FBXO10: variants seen among roughly 807,000 people sequenced by gnomAD.
FBXO10 encodes F-box only protein 10.
In FBXO10, 39 loss-of-function variants were observed where a neutral mutation model predicts 80.7. That is an observed-to-expected ratio of 0.48 (90% CI 0.37 to 0.63). The LOEUF is 0.63. Among genes scored for constraint, FBXO10 ranks in the 30% least tolerant of loss-of-function variants. FBXO10 has a pLI of 0.00. For synonymous variants in FBXO10, 449 were observed against 489.6 expected, an observed-to-expected ratio of 0.92 and a Z score of 1.09; for missense variants, 1,025 against 1,269.0, an observed-to-expected ratio of 0.81 and a Z score of 2.92.
intron 1 of FBXO10, among the ~76,000 whole-genome samples, chr9:37,563,692 G>A (rs1367076352): frequency 6.6e-6 from 1 of 152,126 alleles, no homozygotes; most frequent in Non-Finnish European, 1.5e-5. Flanking sequence ...GAGATCTGTG[G>A]AACTTTGAAC....
chr9:37,557,587 T>C (rs1322943309), intron 1 of FBXO10, among the ~76,000 whole-genome samples: 2 of 152,218 alleles, frequency 1.3e-5, no homozygotes, highest in African/African-American at 4.8e-5. Context: ...TTTGGTGACC[T>C]ATACGTGGTA....
At chr9:37,528,007 G>A (rs531291330) in intron 5 of FBXO10, among the ~76,000 whole-genome samples, 2 of 152,286 alleles carry the variant, frequency 1.3e-5, no homozygotes, top group East Asian at 3.9e-4. Flanking sequence ...GAATGTAAAG[G>A]CCATGCATGC....
intron 3 of FBXO10, among the ~76,000 whole-genome samples, chr9:37,532,391 C>T (rs1821653715): frequency 6.6e-6 from 1 of 151,530 alleles, no homozygotes; most frequent in African/African-American, 2.4e-5. Context: ...AGCTCCGCCT[C>T]CCAGGCTCAC....
intron 1 of FBXO10, among the ~76,000 whole-genome samples, chr9:37,549,041 C>G (rs1251165203): frequency 6.6e-6 from 1 of 152,200 alleles, no homozygotes; most frequent in Non-Finnish European, 1.5e-5. Context: ...AGCCACCGCA[C>G]CTGGGGATCT....
chr9:37,550,829 G>C (rs1822181170), intron 1 of FBXO10, among the ~76,000 whole-genome samples: 1 of 152,146 alleles, frequency 6.6e-6, no homozygotes, highest in Admixed American at 6.5e-5. Context: ...AAGGTGACTG[G>C]CTCTCAAAAT....
At position 37,518,036 on chromosome 9, in the gene FBXO10, G is replaced by C. The variant is rs1033849433; in HGVS notation, c.2514+89C>G. The C allele has an allele frequency of 2.3e-6, 3 of 1,317,320 alleles. No individual in the cohort carries two copies. In the African/African-American group the frequency reaches 4.4e-5, roughly 19 times the overall value. 81.6% of individuals were successfully genotyped at this position (1,317,320 alleles called of 1,614,324 possible). A position where few individuals can be genotyped will look rare whatever the true frequency, so the allele number is the denominator to read the frequency against. On this transcript the variant is annotated intron_variant, in intron 9 of 10. Transcript: ENST00000432825. ...GTCCCTTGTAGTGCTGAGTGATTAC[G>C]GTTCTGTTCTCAGCAGAGGCCACGA...
intron 3 of FBXO10, among the ~76,000 whole-genome samples, chr9:37,532,425 C>A (rs1821654565): frequency 6.6e-6 from 1 of 151,976 alleles, no homozygotes; most frequent in Non-Finnish European, 1.5e-5. Flanking sequence ...CTCAGCCTCC[C>A]AAATAGCTGG....
intron 7 of FBXO10, chr9:37,522,517 T>A: frequency 1.8e-6 from 2 of 1,123,470 alleles, no homozygotes; most frequent in Non-Finnish European, 2.2e-6. Flanking sequence ...ATAAGAGGAG[T>A]TAGATGCACA....
intron 1 of FBXO10, chr9:37,575,756 G>A (rs1233876304): frequency 6.6e-6 from 1 of 152,172 alleles, no homozygotes; most frequent in Non-Finnish European, 1.5e-5. Context: ...CACAGTGGGT[G>A]CCCAGCCCCA....
intron 5 of FBXO10, 121 bp downstream of exon 5, chr9:37,529,003 G>A (rs1588832553): frequency 3.8e-6 from 5 of 1,315,468 alleles, no homozygotes; most frequent in East Asian, 2.5e-5. Context: ...GGGGTGGGAT[G>A]ATGAGTGAAG....
chr9:37,521,009 G>T (rs1821327486), intron 8 of FBXO10, among the ~76,000 whole-genome samples: 1 of 152,166 alleles, frequency 6.6e-6, no homozygotes, highest in South Asian at 2.1e-4. Context: ...AGGAATGAAG[G>T]GGGATATTCA....
At chr9:37,539,707 C>T (rs1180355856) in intron 2 of FBXO10, among the ~76,000 whole-genome samples, 1 of 152,196 alleles carries the variant, frequency 6.6e-6, no homozygotes, top group Non-Finnish European at 1.5e-5. Context: ...AAAACACAAG[C>T]TTTTAAGCTT....
At chr9:37,558,939 T>A (rs949085429) in intron 1 of FBXO10, among the ~76,000 whole-genome samples, 7 of 151,778 alleles carry the variant, frequency 4.6e-5, no homozygotes, top group Admixed American at 6.6e-5. Flanking sequence ...GCCTCCCGAG[T>A]AGCTGCGATT....
intron 1 of FBXO10, among the ~76,000 whole-genome samples, chr9:37,552,038 T>A (rs1181193379): frequency 6.6e-6 from 1 of 152,172 alleles, no homozygotes; most frequent in East Asian, 1.9e-4. Flanking sequence ...AAGATAACCT[T>A]TCTTCCAATT....
chr9:37,555,483 C>A (rs569403453), intron 1 of FBXO10, among the ~76,000 whole-genome samples: 1 of 151,684 alleles, frequency 6.6e-6, no homozygotes, highest in Non-Finnish European at 1.5e-5. Context: ...CAGGTTCAAG[C>A]GATTCTCCTG....
rs190298002 is a variant in FBXO10 at position 37,525,741 on chromosome 9, G to A, written c.1707-569C>T. Among the ~76,000 whole-genome samples the A allele has an allele frequency of 3.9e-3, 593 of 152,018 alleles. 5 individuals are homozygous for A. Among genetic ancestry groups the A allele is most frequent in the African/African-American group, 0.013 (540 of 41,440 alleles). On this transcript the variant is annotated intron_variant, in intron 5 of 10. Coordinates refer to ENST00000432825, the MANE Select transcript of FBXO10 (RefSeq NM_012166.3). ...TTTTGTAGAGATGGGGTTTTGCTAC[G>A]TTGCCCAGGCTGGTCTCGAACTCCT...
At chr9:37,531,335 C>A (rs1192118506) in intron 4 of FBXO10, among the ~76,000 whole-genome samples, 1 of 152,022 alleles carries the variant, frequency 6.6e-6, no homozygotes, top group East Asian at 1.9e-4. Flanking sequence ...AAATAAAAAA[C>A]CCCCAAACCC....
chr9:37,538,182 G>A (rs529745679), intron 2 of FBXO10, among the ~76,000 whole-genome samples: 21 of 152,188 alleles, frequency 1.4e-4, no homozygotes, highest in African/African-American at 5.1e-4. Context: ...AAGGAAGGGA[G>A]ACAAGTAGAT....
chr9:37,557,592 G>A (rs1401171281), intron 1 of FBXO10, among the ~76,000 whole-genome samples: 1 of 152,128 alleles, frequency 6.6e-6, no homozygotes, highest in African/African-American at 2.4e-5. Context: ...TGACCTATAC[G>A]TGGTACTCTG....
Sources: gnomAD v4.1 joint callset for allele counts (sites outside exome capture counted in the v4.1 genomes callset) on GRCh38, gnomAD v4.1.1 for gene constraint, MANE v1.5 for transcripts, NCBI Gene and HGNC (gene_info 2026-07-23, HGNC 2026-07-21) for gene names.